The following REV1 variants were observed in gnomAD, a reference collection of about 807,000 sequenced individuals.
REV1 encodes the protein translesion synthesis protein REV1.
In REV1, 42 loss-of-function variants were observed where a neutral mutation model predicts 137.4. The observed-to-expected ratio is 0.31, with a 90% CI of 0.24 to 0.40. The LOEUF is 0.40. Ranked by LOEUF, REV1 falls within the 10% of genes least tolerant of loss-of-function variation. The pLI, the probability that REV1 is intolerant of heterozygous loss-of-function variation, is 1.00. For missense variants in REV1, 1,282 were observed against 1,490.1 expected (o/e 0.86, Z 2.30); for synonymous variants, 524 against 519.2 (o/e 1.01, Z -0.12).
chr2:99,477,646 T>TA (rs1282775918), intron 1 of REV1, among the ~76,000 whole-genome samples: 2 of 152,220 alleles, frequency 1.3e-5, no homozygotes, highest in African/African-American at 4.8e-5. Context: ...ATGTACTGTA[T>TA]AAAAAATATT....
upstream of REV1, chr2:99,490,135 C>G (rs1159467610): frequency 2.0e-5 from 3 of 150,394 alleles, no homozygotes; most frequent in Non-Finnish European, 4.4e-5. Flanking sequence ...CTGCTCCCCC[C>G]GGCCCGGGGC....
At chr2:99,476,170 T>C (rs1266109580) in intron 1 of REV1, among the ~76,000 whole-genome samples, 1 of 152,226 alleles carries the variant, frequency 6.6e-6, no homozygotes, top group Non-Finnish European at 1.5e-5. Context: ...AAACAGATGT[T>C]TGGCCTTTGC....
chr2:99,402,848 G>C, intron 20 of REV1, 41 bp downstream of exon 20: 1 of 1,612,320 alleles, frequency 6.2e-7, no homozygotes, highest in Non-Finnish European at 8.5e-7. Context: ...ACATTATCCA[G>C]GTATATTAAG....
rs1676487866 is a variant in REV1, at chr2:99,407,422, G to A, written c.2448+607C>T. Among the ~76,000 whole-genome samples, 5 of 151,606 alleles carry A rather than the reference G, an allele frequency of 3.3e-5. No homozygotes were observed. In the South Asian group the frequency reaches 1.0e-3, roughly 32 times the overall value. The stretch of plus-strand genomic sequence containing the variant: ...AAAAAATTAGCTGGGCGTGGTAGCG[G>A]GTGCCTGTACCCCCAGCTACTCGGG... On this transcript the variant is annotated intron_variant, in intron 15 of 22. Coordinates refer to ENST00000258428, the MANE Select transcript of REV1 (RefSeq NM_016316.4).
chr2:99,407,196 C>A (rs1351343378), intron 15 of REV1, among the ~76,000 whole-genome samples: 2 of 134,326 alleles, frequency 1.5e-5, no homozygotes, highest in Non-Finnish European at 3.0e-5. Context: ...TCAAGTGATT[C>A]TCCTGCCTCA....
intron 18 of REV1, 80 bp from the exon 19 acceptor site, chr2:99,403,895 T>C: frequency 1.3e-6 from 2 of 1,526,686 alleles, no homozygotes; most frequent in Non-Finnish European, 1.8e-6. Context: ...CAAAACAGAC[T>C]TTGTTTTCAA....
intron 1 of REV1, among the ~76,000 whole-genome samples, chr2:99,486,141 G>GA (rs1473209763): frequency 6.6e-6 from 1 of 152,024 alleles, no homozygotes; most frequent in African/African-American, 2.4e-5. Flanking sequence ...TGTTAAAAAA[G>GA]AAAAAAATTC....
At chr2:99,438,367 TCTTA>T (rs1181546315) in intron 6 of REV1, among the ~76,000 whole-genome samples, 2 of 152,334 alleles carry the variant, frequency 1.3e-5, no homozygotes, top group East Asian at 3.9e-4. Context: ...ATCCCAACCA[TCTTA>T]CTGTTTAAAT....
At chr2:99,432,276 C>T (rs1300708718) in intron 8 of REV1, among the ~76,000 whole-genome samples, 5 of 152,008 alleles carry the variant, frequency 3.3e-5, no homozygotes, top group Non-Finnish European at 5.9e-5. Flanking sequence ...ACTAAGGATG[C>T]TATTTGTCCT....
chr2:99,419,087 A>G (rs1678286390), intron 11 of REV1, 140 bp from the exon 12 acceptor site: 1 of 745,514 alleles, frequency 1.3e-6, no homozygotes, highest in Admixed American at 2.9e-5. Context: ...AAGGTGTAGA[A>G]TTTTGCTAAG....
At chr2:99,432,007 G>A in intron 8 of REV1, 1 of 688,008 alleles carries the variant, frequency 1.5e-6, no homozygotes. Flanking sequence ...TTGTTCTTTA[G>A]AATGAAAACT....
In REV1 at chr2:99,438,866, A is replaced by G; in HGVS notation, c.948T>C (p.Thr316=). ...NTKINGAHHS[T]VQGPSSTKST... ...TTTTTGTGCTTGAAGGCCCCTGAAC[A>G]GTGGAGTGGTGAGCACCATTGATTT... Residue 316 remains threonine (T), a synonymous_variant, in exon 6 of 23, where the codon ACT becomes ACC. Coordinates refer to ENST00000258428, the MANE Select transcript of REV1 (RefSeq NM_016316.4). The G allele has an allele frequency of 7.4e-6, 12 of 1,614,212 alleles. No homozygotes were observed. Among genetic ancestry groups the G allele is most frequent in the Middle Eastern group, 1.6e-4 (1 of 6,062 alleles).
intron 1 of REV1, among the ~76,000 whole-genome samples, chr2:99,489,600 T>G (rs892565067): frequency 6.7e-6 from 1 of 148,316 alleles, no homozygotes; most frequent in African/African-American, 2.4e-5. Context: ...ACACATTACA[T>G]AACCCGGCGG....
rs1678676786 is a variant in REV1, at chr2:99,421,572, A to G, written c.1758T>C (p.Thr586=). The G allele has an allele frequency of 1.2e-6, 2 of 1,614,126 alleles. No homozygotes were observed. The highest frequency in any genetic ancestry group is 2.2e-5 in the South Asian group (2 of 91,078). Residue 586 remains threonine, a synonymous_variant, in exon 11 of 23, where the codon ACT becomes ACC. Coordinates refer to ENST00000258428, the MANE Select transcript of REV1 (RefSeq NM_016316.4). ...GAACAGCATTTGCAAATTCATCAGG[A>G]GTAAGTTTGGTCTCTGCAAGGATTT... ...ITEILAETKL[T]PDEFANAVRM... is the part of the protein sequence containing the mutation.
At chr2:99,407,905 C>T (rs758715230) in intron 15 of REV1, 124 bp downstream of exon 15, 4 of 469,780 alleles carry the variant, frequency 8.5e-6, no homozygotes, top group Non-Finnish European at 1.5e-5. Flanking sequence ...CCTTGTATTA[C>T]AAAGCAGCTA....
chr2:99,440,116 G>C (rs1681290526), intron 5 of REV1, among the ~76,000 whole-genome samples: 1 of 152,160 alleles, frequency 6.6e-6, no homozygotes, highest in Non-Finnish European at 1.5e-5. Context: ...AGGCAATCTG[G>C]ACCAAGTTTC....
chr2:99,463,501 C>G (rs887419753), intron 2 of REV1, among the ~76,000 whole-genome samples: 1 of 152,184 alleles, frequency 6.6e-6, no homozygotes, highest in Non-Finnish European at 1.5e-5. Flanking sequence ...GCCTGGACAA[C>G]AAGAGCAAAA....
Position 99,438,667 on chromosome 2 carries a change from A to C in REV1, c.1147T>G (p.Phe383Val), listed in dbSNP as rs1394388657. 6.2e-7 allele frequency: 1 copy of C among 1,614,188 alleles called. No homozygotes were observed. The highest frequency in any genetic ancestry group is 1.3e-5 in the African/African-American group (1 of 75,072). Residue 383 changes from phenylalanine (F) to valine (V), a missense_variant, in exon 6 of 23, where the codon TTT becomes GTT. By Grantham distance (50) the Phe-to-Val change is conservative. Coordinates refer to ENST00000258428, the MANE Select transcript of REV1 (RefSeq NM_016316.4). ...TTTTTTAACTTTTCCCTTCCTGGAA[A>C]GATACCATTACTTTGTCTTTGTAGG... The part of the protein sequence containing the change: ...NTLQRQSNGI[F>V]PGREKLKKMK...
chr2:99,486,792 C>G (rs1256479249), intron 1 of REV1, among the ~76,000 whole-genome samples: 1 of 152,144 alleles, frequency 6.6e-6, no homozygotes, highest in Non-Finnish European at 1.5e-5. Flanking sequence ...TGACAGCCTA[C>G]TATGTACCAG....
Sources: gnomAD v4.1 joint callset for allele counts (sites outside exome capture counted in the v4.1 genomes callset) on GRCh38, gnomAD v4.1.1 for gene constraint, MANE v1.5 for transcripts, NCBI Gene and HGNC (gene_info 2026-07-23, HGNC 2026-07-21) for gene names.